DAB1: variants seen among roughly 807,000 people sequenced by gnomAD.
DAB1 encodes DAB adaptor protein 1.
Under a neutral mutation model 64.6 loss-of-function variants are expected in DAB1, and 15 were observed. That is an observed-to-expected ratio of 0.23 (90% CI 0.16 to 0.36). The LOEUF (loss-of-function observed/expected upper bound fraction) is 0.36, where lower values mean the gene tolerates loss of function less well. DAB1 is among the 10% of genes least tolerant of loss of function. The pLI is 1.00. For missense variants in DAB1, 596 were observed against 706.7 expected (o/e 0.84, Z 1.78); for synonymous variants, 235 against 251.9 (o/e 0.93, Z 0.64).
chr1:57,913,852 C>G (rs1009798924), intron 5 of DAB1, among the ~76,000 whole-genome samples: 1 of 152,210 alleles, frequency 6.6e-6, no homozygotes, highest in Non-Finnish European at 1.5e-5. Context: ...AAATGCTCAT[C>G]ATCACTGGCC....
chr1:58,103,598 G>T (rs569431926), intron 5 of DAB1, among the ~76,000 whole-genome samples: 2 of 152,264 alleles, frequency 1.3e-5, no homozygotes, highest in East Asian at 3.9e-4. Context: ...TACTGATCTT[G>T]TCACCATTTC....
chr1:57,596,164 A>G (rs577101309), intron 7 of DAB1, among the ~76,000 whole-genome samples: 1 of 152,318 alleles, frequency 6.6e-6, no homozygotes, highest in South Asian at 2.1e-4. Context: ...CAGAACTCCA[A>G]GGGACACCAT....
chr1:58,454,887 G>A (rs1416127608), intron 3 of DAB1, among the ~76,000 whole-genome samples: 1 of 152,110 alleles, frequency 6.6e-6, no homozygotes, highest in Non-Finnish European at 1.5e-5. Flanking sequence ...GAAATCCCTC[G>A]CTTATCCTAC....
intron 7 of DAB1, among the ~76,000 whole-genome samples, chr1:57,577,314 G>T (rs1217716425): frequency 1.3e-5 from 2 of 151,922 alleles, no homozygotes; most frequent in African/African-American, 4.8e-5. Flanking sequence ...TATAGATAAA[G>T]ACATTGAAGC....
intron 4 of DAB1, among the ~76,000 whole-genome samples, chr1:58,331,900 A>C (rs1662977202): frequency 6.6e-6 from 1 of 152,148 alleles, no homozygotes; most frequent in Admixed American, 6.5e-5. Flanking sequence ...CTACTCAATA[A>C]ATGTTTATGG....
At chr1:58,394,753 T>C (rs376285166) in intron 3 of DAB1, among the ~76,000 whole-genome samples, 1 of 152,270 alleles carries the variant, frequency 6.6e-6, no homozygotes, top group African/African-American at 2.4e-5. Flanking sequence ...TGGTAGGAAA[T>C]TGACTTCAAG....
intron 3 of DAB1, among the ~76,000 whole-genome samples, chr1:58,366,751 A>C (rs10443248): frequency 6.6e-6 from 1 of 152,144 alleles, no homozygotes; most frequent in African/African-American, 2.4e-5. Flanking sequence ...GGTCCTTTGC[A>C]CTTCTTGTGT....
chr1:58,385,491 AC>A (rs1439891401), intron 3 of DAB1, among the ~76,000 whole-genome samples: 2 of 152,074 alleles, frequency 1.3e-5, no homozygotes, highest in Non-Finnish European at 2.9e-5. Flanking sequence ...CCCCATCCCC[AC>A]CACACTGCCA....
chr1:57,810,528 C>T (rs1651571139), intron 6 of DAB1, among the ~76,000 whole-genome samples: 1 of 152,132 alleles, frequency 6.6e-6, no homozygotes, highest in African/African-American at 2.4e-5. Flanking sequence ...AGGTGTGAAG[C>T]AGCGAGGTAC....
chr1:57,068,315 A>C (rs1435150531), intron 8 of DAB1, among the ~76,000 whole-genome samples: 1 of 152,194 alleles, frequency 6.6e-6, no homozygotes, highest in Non-Finnish European at 1.5e-5. Context: ...AAAAAGTCTC[A>C]AAGCACAACC....
chr1:58,189,778 A>C (rs1657286328), intron 4 of DAB1, among the ~76,000 whole-genome samples: 1 of 152,234 alleles, frequency 6.6e-6, no homozygotes. Context: ...CCATGGGGCA[A>C]GCCTTTAACC....
At chr1:58,102,592 G>A (rs1557650790) in intron 5 of DAB1, among the ~76,000 whole-genome samples, 2 of 152,216 alleles carry the variant, frequency 1.3e-5, no homozygotes, top group Non-Finnish European at 2.9e-5. Context: ...AGAGAAAGTA[G>A]AGATGTCATC....
intron 5 of DAB1, among the ~76,000 whole-genome samples, chr1:58,036,154 G>A (rs1354449336): frequency 6.6e-6 from 1 of 152,186 alleles, no homozygotes; most frequent in Non-Finnish European, 1.5e-5. Context: ...AGTAATAATA[G>A]CATTTACTAA....
At chr1:58,541,861 C>G (rs1162930086) in intron 1 of DAB1, among the ~76,000 whole-genome samples, 1 of 152,138 alleles carries the variant, frequency 6.6e-6, no homozygotes, top group South Asian at 2.1e-4. Context: ...AGTCAATAAA[C>G]AAAATATCAG....
At chr1:58,209,228 C>T (rs1322795449) in intron 4 of DAB1, among the ~76,000 whole-genome samples, 1 of 152,158 alleles carries the variant, frequency 6.6e-6, no homozygotes, top group Non-Finnish European at 1.5e-5. Flanking sequence ...GGTTGGAGTT[C>T]TCCTAGTAGT....
At chr1:57,731,195 A>G (rs1260111343) in intron 6 of DAB1, among the ~76,000 whole-genome samples, 2 of 152,256 alleles carry the variant, frequency 1.3e-5, no homozygotes, top group Non-Finnish European at 2.9e-5. Flanking sequence ...TGAAGACATA[A>G]TACTAAGTAA....
chr1:57,610,254 CA>C (rs1293085285), intron 7 of DAB1, among the ~76,000 whole-genome samples: 3 of 152,132 alleles, frequency 2.0e-5, no homozygotes, highest in Non-Finnish European at 4.4e-5. Context: ...AAGTAGGTCC[CA>C]GTTATTGAGC....
At chr1:57,297,086 T>C (rs1202090890) in intron 1 of DAB1, among the ~76,000 whole-genome samples, 1 of 151,960 alleles carries the variant, frequency 6.6e-6, no homozygotes, top group African/African-American at 2.4e-5. Flanking sequence ...CTGTGTAGTG[T>C]TCTGGCCAGG....
chr1:57,906,983 G>GATAT (rs1373764310), intron 5 of DAB1, among the ~76,000 whole-genome samples: 6 of 145,372 alleles, frequency 4.1e-5, no homozygotes, highest in African/African-American at 1.1e-4. Flanking sequence ...TAGATAGATA[G>GATAT]ATAGATTTGC....
Sources: gnomAD v4.1 joint callset for allele counts (sites outside exome capture counted in the v4.1 genomes callset) on GRCh38, gnomAD v4.1.1 for gene constraint, MANE v1.5 for transcripts, NCBI Gene and HGNC (gene_info 2026-07-23, HGNC 2026-07-21) for gene names.